Variants in KLC1 observed in about 807,000 individuals in gnomAD.
KLC1 encodes the protein kinesin light chain 1.
Under a neutral mutation model 84.2 loss-of-function variants are expected in KLC1, and 30 were observed. That is an observed-to-expected ratio of 0.36 (90% CI 0.27 to 0.48). The LOEUF (loss-of-function observed/expected upper bound fraction) is 0.48, where lower values mean the gene tolerates loss of function less well. KLC1 is among the 20% of genes least tolerant of loss of function. KLC1 has a pLI of 0.99. For synonymous variants in KLC1, 289 were observed against 293.3 expected (o/e 0.99, Z 0.15); for missense variants, 499 against 805.4 (o/e 0.62, Z 4.60).
intron 1 of KLC1, among the ~76,000 whole-genome samples, chr14:103,632,439 C>G (rs977258049): frequency 6.6e-6 from 1 of 150,786 alleles, no homozygotes; most frequent in Non-Finnish European, 1.5e-5. Flanking sequence ...CGCTGTCAGC[C>G]GTGCAGTGGC....
chr14:103,700,245 C>T, intron 15 of KLC1: 1 of 206,438 alleles, frequency 4.8e-6, no homozygotes, highest in Non-Finnish European at 9.9e-6. Flanking sequence ...TCTGAGCTGG[C>T]CTGGCCTGGC....
intron 1 of KLC1, among the ~76,000 whole-genome samples, chr14:103,654,309 G>T (rs2078685822): frequency 6.6e-6 from 1 of 152,162 alleles, no homozygotes; most frequent in South Asian, 2.1e-4. Flanking sequence ...ATGTTTTGCT[G>T]CTTTTAATCT....
chr14:103,673,256 A>T (rs1309219120), intron 8 of KLC1, 69 bp downstream of exon 8: 4 of 1,561,994 alleles, frequency 2.6e-6, no homozygotes, highest in East Asian at 2.3e-5. Context: ...ACACTTTCTC[A>T]TTTAACTGGA....
At chr14:103,668,397 G>C (rs2080071407) in intron 5 of KLC1, among the ~76,000 whole-genome samples, 1 of 152,238 alleles carries the variant, frequency 6.6e-6, no homozygotes, top group South Asian at 2.1e-4. Flanking sequence ...TCTGATTCCA[G>C]AGTTCACCTT....
intron 1 of KLC1, among the ~76,000 whole-genome samples, chr14:103,637,846 G>A (rs775476336): frequency 6.6e-6 from 1 of 151,954 alleles, no homozygotes; most frequent in African/African-American, 2.4e-5. Context: ...CTACATGTGC[G>A]CACCACCATG....
At chr14:103,663,083 CTT>C (rs369746171) in intron 5 of KLC1, among the ~76,000 whole-genome samples, 156 bp downstream of exon 5, 10 of 143,352 alleles carry the variant, frequency 7.0e-5, no homozygotes, top group South Asian at 2.2e-4. Context: ...ATTTAGCAAG[CTT>C]TTTTTTTTTT....
At chr14:103,660,871 T>G (rs1315313480) in intron 3 of KLC1, among the ~76,000 whole-genome samples, 3 of 152,134 alleles carry the variant, frequency 2.0e-5, no homozygotes, top group Non-Finnish European at 4.4e-5. Flanking sequence ...TGCAAGTACT[T>G]TGCAGATGTC....
At chr14:103,651,915 G>A (rs761132247) in intron 1 of KLC1, among the ~76,000 whole-genome samples, 1 of 152,148 alleles carries the variant, frequency 6.6e-6, no homozygotes, top group Non-Finnish European at 1.5e-5. Flanking sequence ...ACCGTGTTCC[G>A]CCACACAGCC....
At chr14:103,652,640 C>T (rs1321455953) in intron 1 of KLC1, among the ~76,000 whole-genome samples, 3 of 152,080 alleles carry the variant, frequency 2.0e-5, no homozygotes, top group Non-Finnish European at 2.9e-5. Flanking sequence ...TACAGGCGAG[C>T]GCCATCAGGC....
At chr14:103,688,547 A>G (rs1210825222) in intron 14 of KLC1, among the ~76,000 whole-genome samples, 1 of 152,124 alleles carries the variant, frequency 6.6e-6, no homozygotes, top group East Asian at 1.9e-4. Flanking sequence ...AACTGTTGCC[A>G]TACACGGCCA....
At chr14:103,642,092 G>T (rs573741411) in intron 1 of KLC1, among the ~76,000 whole-genome samples, 2 of 151,898 alleles carry the variant, frequency 1.3e-5, no homozygotes, top group Non-Finnish European at 2.9e-5. Context: ...CACCATGCCC[G>T]GCTAATTTTG....
rs187989269 is a variant in KLC1, at chr14:103,659,694, C to T, written c.492+1918C>T. 3.1e-3 allele frequency among the ~76,000 whole-genome samples: 465 copies of T among 152,222 alleles called. 2 individuals are homozygous for T. The highest frequency in any genetic ancestry group is 0.011 in the African/African-American group (445 of 41,530). ...ACATTTGTGTGTCTCGTTCGAATCC[C>T]CATCCTAAGACTACTGAAACAGTTT... On this transcript the variant is annotated intron_variant, in intron 3 of 16. Coordinates refer to ENST00000334553, the MANE Select transcript of KLC1 (RefSeq NM_001394837.1).
intron 1 of KLC1, among the ~76,000 whole-genome samples, chr14:103,633,719 A>G (rs567696129): frequency 1.3e-5 from 2 of 152,208 alleles, no homozygotes; most frequent in South Asian, 2.1e-4. Flanking sequence ...GCCCTACTCA[A>G]GCACTTCCAG....
At chr14:103,684,847 A>G (rs1490209977) in intron 13 of KLC1, 2 of 653,920 alleles carry the variant, frequency 3.1e-6, no homozygotes, top group Admixed American at 4.7e-5. Flanking sequence ...TTTGAAATGA[A>G]CAGCAGGGGC....
intron 13 of KLC1, chr14:103,684,019 AAAAC>A (rs1195744832): frequency 6.6e-6 from 1 of 152,314 alleles, no homozygotes; most frequent in Non-Finnish European, 1.5e-5. Flanking sequence ...CTGTGCGAAA[AAAAC>A]AAAAATCAGC....
intron 5 of KLC1, among the ~76,000 whole-genome samples, chr14:103,667,640 C>G (rs2079983692): frequency 6.6e-6 from 1 of 152,176 alleles, no homozygotes; most frequent in Non-Finnish European, 1.5e-5. Context: ...CTGGCCACTA[C>G]TTTTTGGAAC....
At position 103,670,251 on chromosome 14, in the gene KLC1, T is replaced by G; in HGVS notation, c.955T>G (p.Leu319Val). 6.2e-7 allele frequency: 1 copy of G among 1,613,054 alleles called. No homozygotes were observed. Among genetic ancestry groups the G allele is most frequent in the Non-Finnish European group, 8.5e-7 (1 of 1,179,286 alleles). ...AGGGAAGTACAAAGAAGCAGAGCCG[T>G]TGTGTAAAAGAGCTCTGGAAATCCG... ...KRGKYKEAEP[L>V]CKRALEIREK... is the part of the protein sequence containing the mutation. The change falls in exon 7 of 17, where the codon TTG becomes GTG. Residue 319 changes from leucine (L) to valine (V), a missense_variant. By Grantham distance (32) the Leu-to-Val change is conservative. This residue lies in a region of KLC1 where 153 missense variants were observed against 332.4 expected (regional missense o/e 0.46). Coordinates refer to ENST00000334553, the MANE Select transcript of KLC1 (RefSeq NM_001394837.1).
At chr14:103,687,593 A>G (rs1295915158) in intron 14 of KLC1, 1 of 154,004 alleles carries the variant, frequency 6.5e-6, no homozygotes, top group Non-Finnish European at 1.4e-5. Context: ...TTCTTTAAAA[A>G]TTTTAATCTT....
intron 1 of KLC1, among the ~76,000 whole-genome samples, chr14:103,644,818 A>G (rs1201217684): frequency 6.6e-6 from 1 of 152,144 alleles, no homozygotes; most frequent in Non-Finnish European, 1.5e-5. Context: ...TTGGGGGGTC[A>G]AGTTCTACCT....
Sources: allele counts gnomAD v4.1 joint callset (sites outside exome capture counted in the v4.1 genomes callset), GRCh38; gene constraint gnomAD v4.1.1; regional missense constraint gnomAD v4.1.1; transcripts MANE v1.5; gene names NCBI Gene and HGNC (gene_info 2026-07-23, HGNC 2026-07-21).